TMEM156: variants seen among roughly 807,000 people sequenced by gnomAD.
The protein encoded by TMEM156 is transmembrane protein 156.
Under a neutral mutation model 30.5 loss-of-function variants are expected in TMEM156, and 28 were observed. That is an observed-to-expected ratio of 0.92 (90% CI 0.68 to 1.26). TMEM156 has a LOEUF of 1.26. Ranked by LOEUF, TMEM156 falls within the 50% of genes most tolerant of loss-of-function variation. The pLI, the probability that TMEM156 is intolerant of heterozygous loss-of-function variation, is 0.00. For missense variants in TMEM156, 351 were observed against 340.6 expected (o/e 1.03, Z -0.24); for synonymous variants, 137 against 119.9 (o/e 1.14, Z -0.93).
intron 1 of TMEM156, among the ~76,000 whole-genome samples, chr4:39,008,560 ATTTTTCT>A (rs1338120984): frequency 6.6e-6 from 1 of 152,040 alleles, no homozygotes; most frequent in Non-Finnish European, 1.5e-5. Flanking sequence ...TGGCTTGTAA[ATTTTTCT>A]TTTTGTCTCA....
intron 6 of TMEM156, among the ~76,000 whole-genome samples, chr4:38,970,753 C>A (rs1296035561): frequency 6.6e-6 from 1 of 152,106 alleles, no homozygotes. Flanking sequence ...TGGCTCAACT[C>A]CGGAAAAACA....
At chr4:39,002,003 C>T (rs1464437754) in intron 1 of TMEM156, among the ~76,000 whole-genome samples, 1 of 133,126 alleles carries the variant, frequency 7.5e-6, no homozygotes, top group Non-Finnish European at 1.7e-5. Context: ...ACACCAAAAG[C>T]AATGGCAACA....
At chr4:39,010,406 A>G (rs1211620717) in intron 1 of TMEM156, among the ~76,000 whole-genome samples, 5 of 152,146 alleles carry the variant, frequency 3.3e-5, no homozygotes, top group East Asian at 3.8e-4. Flanking sequence ...TCTAAAATTC[A>G]TATGAACCAC....
intron 5 of TMEM156, among the ~76,000 whole-genome samples, chr4:38,985,917 T>C (rs1335083925): frequency 6.6e-6 from 1 of 152,198 alleles, no homozygotes; most frequent in Admixed American, 6.5e-5. Context: ...GGCTTTTTAA[T>C]TGGGGCTATT....
intron 1 of TMEM156, among the ~76,000 whole-genome samples, chr4:39,001,534 ACTT>A (rs961147539): frequency 4.4e-5 from 6 of 137,374 alleles, no homozygotes; most frequent in African/African-American, 5.1e-5. Flanking sequence ...TGAAAGAATT[ACTT>A]CTTCTTTTTT....
At chr4:39,017,255 A>C (rs1714556856) in intron 1 of TMEM156, among the ~76,000 whole-genome samples, 1 of 134,766 alleles carries the variant, frequency 7.4e-6, no homozygotes, top group Non-Finnish European at 1.5e-5. Context: ...GCTCACTTCA[A>C]GCTCCGCCTC....
intron 1 of TMEM156, among the ~76,000 whole-genome samples, chr4:39,025,109 G>C (rs1223445038): frequency 6.6e-6 from 1 of 151,984 alleles, no homozygotes; most frequent in African/African-American, 2.4e-5. Context: ...AGCACTTTGG[G>C]AGGCTGAGGT....
intron 2 of TMEM156, among the ~76,000 whole-genome samples, chr4:38,994,287 G>T (rs953354816): frequency 1.3e-5 from 2 of 152,038 alleles, no homozygotes; most frequent in Non-Finnish European, 2.9e-5. Context: ...ACTATGCTCA[G>T]CTAATTTTTT....
chr4:39,013,480 A>G (rs2110028724), intron 1 of TMEM156, among the ~76,000 whole-genome samples: 1 of 124,050 alleles, frequency 8.1e-6, no homozygotes. Context: ...GGCTCACTGC[A>G]ACTCTGCCTC....
rs35576563 is a variant in TMEM156, at chr4:38,998,855, T to G, written c.143A>C (p.Tyr48Ser). Residue 48 changes from tyrosine (Y) to serine (S), a missense_variant, in exon 2 of 7, where the codon TAT becomes TCT. Transcript: ENST00000381938. ...LEVCLQSNFTYSLSSLNFSFV... is the reference protein window; with the variant it reads ...LEVCLQSNFTSSLSSLNFSFV... The stretch of plus-strand genomic sequence containing the variant: ...AGAAAAATTTAAGGAGGAGAGTGAA[T>G]AGGTAAAATTAGATTGCAAACACAC... 5.0e-6 allele frequency: 8 copies of G among 1,609,112 alleles called. No individual in the cohort carries two copies. In the East Asian group the frequency reaches 1.6e-4, roughly 31 times the overall value.
At chr4:39,003,231 T>C (rs1560374961) in intron 1 of TMEM156, among the ~76,000 whole-genome samples, 1 of 152,170 alleles carries the variant, frequency 6.6e-6, no homozygotes, top group Non-Finnish European at 1.5e-5. Context: ...GCTAATTTAC[T>C]AGCCTTCTAT....
chr4:38,978,332 T>C (rs1380279437), intron 5 of TMEM156, among the ~76,000 whole-genome samples: 1 of 152,196 alleles, frequency 6.6e-6, no homozygotes, highest in Non-Finnish European at 1.5e-5. Flanking sequence ...CTCTGTGCCC[T>C]CCACGTCCCA....
intron 2 of TMEM156, among the ~76,000 whole-genome samples, chr4:38,994,828 G>A (rs967915965): frequency 6.6e-6 from 1 of 152,060 alleles, no homozygotes; most frequent in African/African-American, 2.4e-5. Context: ...TGTGCCTGCA[G>A]GTGTAGCTAC....
At chr4:39,023,889 C>G (rs1388024083) in intron 1 of TMEM156, among the ~76,000 whole-genome samples, 1 of 151,884 alleles carries the variant, frequency 6.6e-6, no homozygotes, top group Non-Finnish European at 1.5e-5. Context: ...AGAAGCCAGA[C>G]CAAAAATATT....
intron 1 of TMEM156, among the ~76,000 whole-genome samples, chr4:39,002,980 A>G (rs1451889469): frequency 1.3e-5 from 2 of 152,076 alleles, no homozygotes; most frequent in African/African-American, 4.8e-5. Flanking sequence ...ACATGTATAC[A>G]TATGTAACTA....
intron 5 of TMEM156, among the ~76,000 whole-genome samples, chr4:38,978,684 C>A (rs559312495): frequency 6.6e-6 from 1 of 152,288 alleles, no homozygotes; most frequent in East Asian, 1.9e-4. Flanking sequence ...AAATTATTCC[C>A]AATCCAAAGC....
intron 5 of TMEM156, among the ~76,000 whole-genome samples, chr4:38,979,602 A>C (rs1385765454): frequency 1.3e-5 from 2 of 152,220 alleles, no homozygotes; most frequent in Non-Finnish European, 2.9e-5. Context: ...TGGGTAGCTG[A>C]CCTTGGAAAT....
At chr4:39,007,512 T>C (rs1258254967) in intron 1 of TMEM156, among the ~76,000 whole-genome samples, 3 of 152,152 alleles carry the variant, frequency 2.0e-5, no homozygotes, top group Non-Finnish European at 4.4e-5. Flanking sequence ...AGTGCAGTGA[T>C]CTTGGCTAAC....
At chr4:38,983,309 A>C (rs1711720652) in intron 5 of TMEM156, among the ~76,000 whole-genome samples, 1 of 152,068 alleles carries the variant, frequency 6.6e-6, no homozygotes, top group African/African-American at 2.4e-5. Flanking sequence ...GCATCCAACG[A>C]TTCAGATTCT....
Sources: gnomAD v4.1 joint callset for allele counts (sites outside exome capture counted in the v4.1 genomes callset) on GRCh38, gnomAD v4.1.1 for gene constraint, MANE v1.5 for transcripts, NCBI Gene and HGNC (gene_info 2026-07-23, HGNC 2026-07-21) for gene names.